Variants in SEC63 observed in about 807,000 individuals in gnomAD.
SEC63 encodes translocation protein SEC63 homolog.
SEC63 carries 56 observed loss-of-function variants against 116.2 expected under a neutral mutation model. The observed-to-expected ratio is 0.48, with a 90% CI of 0.39 to 0.60. SEC63 has a LOEUF of 0.60. SEC63 is among the 20% of genes least tolerant of loss of function. The pLI is 0.00. For missense variants in SEC63, 668 were observed against 900.0 expected (o/e 0.74, Z 3.30); for synonymous variants, 273 against 294.6 (o/e 0.93, Z 0.75).
chr6:107,950,087 G>A (rs1214246870), intron 1 of SEC63, among the ~76,000 whole-genome samples: 1 of 152,094 alleles, frequency 6.6e-6, no homozygotes, highest in Non-Finnish European at 1.5e-5. Context: ...GAAGGTGAAA[G>A]GATGGAAAAA....
At chr6:107,910,570 A>G (rs915539538) in intron 7 of SEC63, among the ~76,000 whole-genome samples, 2 of 152,078 alleles carry the variant, frequency 1.3e-5, no homozygotes, top group African/African-American at 2.4e-5. Context: ...TCATACATAT[A>G]CACGTGTCAT....
intron 14 of SEC63, 122 bp from the exon 15 acceptor site, chr6:107,894,019 G>A (rs1329165745): frequency 4.8e-6 from 5 of 1,050,484 alleles, no homozygotes; most frequent in Admixed American, 2.1e-5. Flanking sequence ...AATTGACAAA[G>A]AAGGAGACGT....
In SEC63 at chr6:107,867,929, A is replaced by G. The variant is rs1786032833; in HGVS notation, c.*3775T>C. On this transcript the variant is annotated 3_prime_UTR_variant, in exon 21 of 21. Transcript: ENST00000369002. ...TCATCTCCACGCCCCTGGGATGTAT[A>G]CACCCCCACCTGAAACAATAGCCCT... The G allele has an allele frequency of 6.6e-6, 1 of 152,204 alleles. No homozygotes were observed. Among genetic ancestry groups the G allele is most frequent in the African/African-American group, 2.4e-5 (1 of 41,446 alleles). The allele number at this position is 152,204 out of a possible 1,614,324, so 9.4% of individuals were successfully genotyped here. A position where few individuals can be genotyped will look rare whatever the true frequency, so the allele number is the denominator to read the frequency against.
intron 16 of SEC63, among the ~76,000 whole-genome samples, chr6:107,892,268 C>A (rs559992583): frequency 2.6e-5 from 4 of 152,070 alleles, no homozygotes; most frequent in Non-Finnish European, 5.9e-5. Flanking sequence ...GCAGTCTGGC[C>A]GCAGTAGCCT....
chr6:107,874,915 C>A (rs549241805), intron 19 of SEC63, among the ~76,000 whole-genome samples: 1 of 152,132 alleles, frequency 6.6e-6, no homozygotes, highest in Non-Finnish European at 1.5e-5. Flanking sequence ...TTAGTGGAAT[C>A]GTTGAGGAAA....
chr6:107,898,778 A>AT (rs1211689459), intron 13 of SEC63, among the ~76,000 whole-genome samples: 1 of 151,644 alleles, frequency 6.6e-6, no homozygotes, highest in East Asian at 1.9e-4. Context: ...TTTTCTACAG[A>AT]TTTTATATGT....
chr6:107,893,431 A>C (rs1786736822), intron 16 of SEC63, 51 bp downstream of exon 16: 1 of 1,545,676 alleles, frequency 6.5e-7, no homozygotes, highest in Non-Finnish European at 8.9e-7. Flanking sequence ...TGAACATTTT[A>C]GTTTGTATAT....
intron 13 of SEC63, among the ~76,000 whole-genome samples, chr6:107,900,248 C>A (rs1323806972): frequency 6.6e-6 from 1 of 152,092 alleles, no homozygotes. Flanking sequence ...GATCCCCCTG[C>A]CTTGGCCTCC....
At chr6:107,919,430 G>A (rs550843133) in intron 4 of SEC63, among the ~76,000 whole-genome samples, 2 of 152,312 alleles carry the variant, frequency 1.3e-5, no homozygotes, top group Admixed American at 6.5e-5. Flanking sequence ...TGATGAAGAT[G>A]CTGTGAACAT....
At chr6:107,920,334 G>A (rs889689848) in intron 4 of SEC63, among the ~76,000 whole-genome samples, 1 of 150,276 alleles carries the variant, frequency 6.7e-6, no homozygotes, top group Admixed American at 6.7e-5. Context: ...ACTGAGGCAG[G>A]AGAATGGCAT....
At chr6:107,911,109 TCAG>T in intron 7 of SEC63, 4 of 524,826 alleles carry the variant, frequency 7.6e-6, no homozygotes, top group Non-Finnish European at 1.0e-5. Context: ...AATTTTTTTT[TCAG>T]TTGGGGTCTC....
chr6:107,878,689 C>G (rs1001743803), intron 18 of SEC63, among the ~76,000 whole-genome samples: 2 of 152,104 alleles, frequency 1.3e-5, no homozygotes, highest in Admixed American at 6.5e-5. Context: ...AACCCTGTCT[C>G]TACTAAAAAT....
chr6:107,942,666 A>C (rs753156041), intron 1 of SEC63, among the ~76,000 whole-genome samples: 6 of 152,162 alleles, frequency 3.9e-5, no homozygotes, highest in South Asian at 2.1e-4. Flanking sequence ...TCTGCATATA[A>C]CTTTTGGCTC....
At chr6:107,920,219 C>T (rs952943159) in intron 4 of SEC63, among the ~76,000 whole-genome samples, 12 of 151,852 alleles carry the variant, frequency 7.9e-5, no homozygotes, top group Non-Finnish European at 1.5e-4. Flanking sequence ...GTCAGGAAAT[C>T]GAGACCATCC....
chr6:107,935,737 T>C lies in SEC63; in HGVS notation c.125-6223A>G, dbSNP rs374703314. ...GCTGACCTTCCCTCCACTATTGTCC[T>C]ATGACCCTGCCAACTCCCCCTCTGC... is the stretch of plus-strand genomic sequence containing the variant. On this transcript the variant is annotated intron_variant, in intron 1 of 20. Coordinates refer to ENST00000369002, the MANE Select transcript of SEC63 (RefSeq NM_007214.5). Among the ~76,000 whole-genome samples, 26 of 151,516 alleles carry C rather than the reference T, an allele frequency of 1.7e-4. 1 individual carries two copies. The South Asian group carries it at 2.5e-3, about 15-fold the overall frequency.
intron 18 of SEC63, 160 bp from the exon 19 acceptor site, chr6:107,876,822 A>C (rs1786286563): frequency 1.6e-6 from 1 of 610,656 alleles, no homozygotes; most frequent in Non-Finnish European, 2.9e-6. Flanking sequence ...TGAAAGAATA[A>C]GCTGTTCTTA....
chr6:107,883,960 G>A (rs1320874378), intron 16 of SEC63, among the ~76,000 whole-genome samples: 2 of 151,970 alleles, frequency 1.3e-5, no homozygotes, highest in Non-Finnish European at 2.9e-5. Context: ...TGCAAAGAAA[G>A]CAGAAACAGG....
At chr6:107,887,214 GA>G (rs942454024) in intron 16 of SEC63, among the ~76,000 whole-genome samples, 3 of 150,410 alleles carry the variant, frequency 2.0e-5, no homozygotes, top group African/African-American at 7.4e-5. Context: ...TCTAGAACTG[GA>G]AATACCATTT....
chr6:107,902,126 A>C lies in SEC63; in HGVS notation c.1210-609T>G, dbSNP rs185315883. Among the ~76,000 whole-genome samples, 575 of 152,292 alleles carry C rather than the reference A, an allele frequency of 3.8e-3. 2 individuals carry two copies. The highest frequency in any genetic ancestry group is 0.013 in the African/African-American group (557 of 41,580). On this transcript the variant is annotated intron_variant, in intron 12 of 20. Coordinates refer to ENST00000369002, the MANE Select transcript of SEC63 (RefSeq NM_007214.5). ...AAAGACACAGATTAGATCATGAGGC[A>C]TGTAAAATCTCTGCTTTTAGATTCT... is the stretch of plus-strand genomic sequence containing the variant.
Sources: allele counts gnomAD v4.1 joint callset (sites outside exome capture counted in the v4.1 genomes callset), GRCh38; gene constraint gnomAD v4.1.1; transcripts MANE v1.5; gene names NCBI Gene and HGNC (gene_info 2026-07-23, HGNC 2026-07-21).